The following BCAS3 variants were observed in gnomAD, a reference collection of about 807,000 sequenced individuals.
BCAS3 encodes the protein BCAS3 microtubule associated cell migration factor.
In BCAS3, 53 loss-of-function variants were observed where a neutral mutation model predicts 116.1. The observed-to-expected ratio is 0.46, with a 90% CI of 0.37 to 0.57. The LOEUF is 0.57. Ranked by LOEUF, BCAS3 falls within the 20% of genes least tolerant of loss-of-function variation. The pLI, the probability that BCAS3 is intolerant of heterozygous loss-of-function variation, is 0.00. For missense variants in BCAS3, 917 were observed against 1,165.4 expected, an observed-to-expected ratio of 0.79 and a Z score of 3.10; for synonymous variants, 391 against 408.2, an observed-to-expected ratio of 0.96 and a Z score of 0.51.
chr17:60,955,915 C>A (rs985519699), intron 14 of BCAS3, among the ~76,000 whole-genome samples: 38 of 152,256 alleles, frequency 2.5e-4, no homozygotes, highest in African/African-American at 8.7e-4. Flanking sequence ...CAGGTTGTTA[C>A]TGATTTTGAT....
Position 60,824,193 on chromosome 17 carries a change from C to T in BCAS3, c.476+16117C>T, listed in dbSNP as rs145375879. Reference sequence around the variant, plus strand: ...CATTTAATGCCTTTTCTTTTAGTGGCAGAGTTTTCAGGAAGAAATTACAGT... The same window carrying T: ...CATTTAATGCCTTTTCTTTTAGTGGTAGAGTTTTCAGGAAGAAATTACAGT... On this transcript the variant is annotated intron_variant, in intron 7 of 23. Transcript: ENST00000407086. 2.8e-4 allele frequency among the ~76,000 whole-genome samples: 42 copies of T among 152,166 alleles called. No homozygotes were observed. In the East Asian group the frequency reaches 5.8e-3, roughly 21 times the overall value.
intron 22 of BCAS3, among the ~76,000 whole-genome samples, chr17:61,345,033 T>C (rs1356689917): frequency 6.6e-6 from 1 of 152,180 alleles, no homozygotes. Flanking sequence ...ACCATCCGCC[T>C]GGGGCAGAGC....
intron 22 of BCAS3, among the ~76,000 whole-genome samples, chr17:61,336,184 G>A (rs945461036): frequency 2.0e-5 from 3 of 152,252 alleles, no homozygotes; most frequent in Non-Finnish European, 2.9e-5. Flanking sequence ...GTCCAGGACC[G>A]GATTGATGAT....
At position 61,213,885 on chromosome 17, in the gene BCAS3, T is replaced by G. The variant is rs2144348157; in HGVS notation, c.2425+129321T>G. Among the ~76,000 whole-genome samples, 1 of 152,298 alleles carries G rather than the reference T, an allele frequency of 6.6e-6. No individual in the cohort carries two copies. Among genetic ancestry groups the G allele is most frequent in the African/African-American group, 2.4e-5 (1 of 41,562 alleles). ...GAACTTTGCCTTCTGCCCTTTTGTATTTGTCCCAGGGTAGCAGAGAAGAGA... is the reference window on the plus strand; with the variant it reads ...GAACTTTGCCTTCTGCCCTTTTGTAGTTGTCCCAGGGTAGCAGAGAAGAGA... On this transcript the variant is annotated intron_variant, in intron 22 of 23. Transcript: ENST00000407086. The surrounding 1 kb of genome is among the most constrained non-coding windows in gnomAD (Gnocchi z 5.4).
rs60854011 is a variant in BCAS3 at position 60,770,834 on chromosome 17, G to GTTTTT, written c.403+23582_403+23586dup. Among the ~76,000 whole-genome samples the GTTTTT allele has an allele frequency of 1.0e-3, 79 of 76,780 alleles. 9 individuals are homozygous for GTTTTT. The highest frequency in any genetic ancestry group is 5.1e-3 in the East Asian group (7 of 1,376). 50.4% of individuals were successfully genotyped at this position (76,780 alleles called of 152,430 possible). ...GATCTTGAACCTAAAACTGAAATTT[G>GTTTTT]TTTTTTTTTTTTTTTTTTTTTTTTT... On this transcript the variant is annotated intron_variant, in intron 6 of 23. Transcript: ENST00000407086.
chr17:60,937,952 G>A (rs1380562253), intron 13 of BCAS3, among the ~76,000 whole-genome samples: 1 of 152,108 alleles, frequency 6.6e-6, no homozygotes, highest in Non-Finnish European at 1.5e-5. Context: ...TTTGTGTTGG[G>A]ACATAATATA....
At chr17:60,822,763 A>G (rs2050073731) in intron 7 of BCAS3, among the ~76,000 whole-genome samples, 2 of 152,198 alleles carry the variant, frequency 1.3e-5, no homozygotes, top group Admixed American at 1.3e-4. Flanking sequence ...GTCCCCTCTC[A>G]CTTGAATCTG....
chr17:61,067,307 A>ATATT (rs1568271755), intron 19 of BCAS3, among the ~76,000 whole-genome samples: 1 of 134,662 alleles, frequency 7.4e-6, no homozygotes, highest in Non-Finnish European at 1.6e-5. Context: ...ATATATATAT[A>ATATT]TATATATATT....
In BCAS3 at chr17:61,021,560, A is replaced by G. The variant is rs1463194216; in HGVS notation, c.1637+5659A>G. On this transcript the variant is annotated intron_variant, in intron 16 of 23. Coordinates refer to ENST00000407086, the MANE Select transcript of BCAS3 (RefSeq NM_017679.5). The surrounding 1 kb of genome is among the most constrained non-coding windows in gnomAD (Gnocchi z 4.6). ...TCACCTGAAAAAAAAAAGTTTATAT[A>G]TATGGATTATAATCTTTTAATCCTT... Among the ~76,000 whole-genome samples the G allele has an allele frequency of 6.6e-6, 1 of 152,122 alleles. No individual in the cohort carries two copies. The highest frequency in any genetic ancestry group is 1.5e-5 in the Non-Finnish European group (1 of 68,036).
rs73330782 is a variant in BCAS3, at chr17:61,364,146, G to A, written c.2426-4181G>A. On this transcript the variant is annotated intron_variant, in intron 22 of 23. Coordinates refer to ENST00000407086, the MANE Select transcript of BCAS3 (RefSeq NM_017679.5). The surrounding 1 kb of genome is among the most constrained non-coding windows in gnomAD (Gnocchi z 5.4). Reference sequence around the variant, plus strand: ...TATCCTCTCTATGACGTCTCAGGACGGTAGAAATGATCAGGTGCTTCTTTG... The same window carrying A: ...TATCCTCTCTATGACGTCTCAGGACAGTAGAAATGATCAGGTGCTTCTTTG... 0.015 allele frequency among the ~76,000 whole-genome samples: 2,236 copies of A among 152,288 alleles called. 56 individuals carry two copies. Among genetic ancestry groups the A allele is most frequent in the African/African-American group, 0.051 (2,103 of 41,546 alleles).
At position 61,044,459 on chromosome 17, in the gene BCAS3, A is replaced by T. The variant is rs1156305168; in HGVS notation, c.2029+3567A>T. ...GTGACTCTGTCTCAAAAAAAAAAAA[A>T]AAAAAAATATATATATATATGCCAT... On this transcript the variant is annotated intron_variant, in intron 19 of 23. Transcript: ENST00000407086. Among the ~76,000 whole-genome samples, 273 of 128,820 alleles carry T rather than the reference A, an allele frequency of 2.1e-3. 10 individuals are homozygous for T. Among genetic ancestry groups the T allele is most frequent in the African/African-American group, 0.011 (247 of 22,284 alleles). 84.5% of individuals were successfully genotyped at this position (128,820 alleles called of 152,430 possible).
rs1377172286 is a variant in BCAS3 at position 61,082,595 on chromosome 17, G to A, written c.2328-1872G>A. Among the ~76,000 whole-genome samples the A allele has an allele frequency of 1.3e-5, 2 of 152,098 alleles. No individual in the cohort carries two copies. The highest frequency in any genetic ancestry group is 4.8e-5 in the African/African-American group (2 of 41,414). On this transcript the variant is annotated intron_variant, in intron 21 of 23. Coordinates refer to ENST00000407086, the MANE Select transcript of BCAS3 (RefSeq NM_017679.5). This position sits in a 1 kb window ranked among gnomAD's most constrained non-coding sequence, Gnocchi z 5.1. Reference sequence around the variant, plus strand: ...ATAGGAAGTTGTTTAGACTAGAAGGGGGCATAATTTTGAATGGACTGACCA... The same window carrying A: ...ATAGGAAGTTGTTTAGACTAGAAGGAGGCATAATTTTGAATGGACTGACCA...
chr17:61,383,318 A>G (rs1427647180), intron 23 of BCAS3: 1 of 152,298 alleles, frequency 6.6e-6, no homozygotes, highest in Non-Finnish European at 1.5e-5. Flanking sequence ...GGAGCTACAA[A>G]GCAAGCCGGG....
chr17:61,125,913 A>G (rs1187925405), intron 22 of BCAS3, among the ~76,000 whole-genome samples: 2 of 152,164 alleles, frequency 1.3e-5, no homozygotes, highest in Non-Finnish European at 1.5e-5. Context: ...TAGTTGACTT[A>G]TAAAAGCTGT....
chr17:60,684,199 C>T (rs117932328), intron 3 of BCAS3, among the ~76,000 whole-genome samples, 163 bp downstream of exon 3: 11 of 152,224 alleles, frequency 7.2e-5, no homozygotes, highest in Non-Finnish European at 1.5e-4. Context: ...TTAGATGTGC[C>T]GCAGTGTTGT....
chr17:61,299,112 C>G lies in BCAS3; in HGVS notation c.2426-69215C>G, dbSNP rs150965658. Reference sequence around the variant, plus strand: ...TGCTGGGATTACAGGCATGAGCCACCGTGCCTGGCCTATAATTTAAATGTA... The same window carrying G: ...TGCTGGGATTACAGGCATGAGCCACGGTGCCTGGCCTATAATTTAAATGTA... On this transcript the variant is annotated intron_variant, in intron 22 of 23. Transcript: ENST00000407086. Among the ~76,000 whole-genome samples the G allele has an allele frequency of 0.014, 2,187 of 151,716 alleles. 99 individuals are homozygous for G. The East Asian group carries it at 0.17, about 12-fold the overall frequency.
chr17:61,128,539 T>C lies in BCAS3; in HGVS notation c.2425+43975T>C. The C allele has an allele frequency of 1.0e-6, 1 of 985,362 alleles. No individual in the cohort carries two copies. Among genetic ancestry groups the C allele is most frequent in the South Asian group, 4.7e-5 (1 of 21,276 alleles). 61.0% of individuals were successfully genotyped at this position (985,362 alleles called of 1,614,324 possible). A position where few individuals can be genotyped will look rare whatever the true frequency, so the allele number is the denominator to read the frequency against. On this transcript the variant is annotated intron_variant, in intron 22 of 23. Coordinates refer to ENST00000407086, the MANE Select transcript of BCAS3 (RefSeq NM_017679.5). This position sits in a 1 kb window ranked among gnomAD's most constrained non-coding sequence, Gnocchi z 4.1. ...TTCCGTTCTTCTCTATCCCAAATCG[T>C]TTGAATCGTTTGACTGCTATACACA...
At chr17:60,825,717 G>A (rs1378659713) in intron 7 of BCAS3, among the ~76,000 whole-genome samples, 1 of 151,360 alleles carries the variant, frequency 6.6e-6, no homozygotes, top group Non-Finnish European at 1.5e-5. Context: ...ATGGTGGAAG[G>A]GCAAAAAAGG....
chr17:60,912,518 C>A (rs1003307912), intron 12 of BCAS3, among the ~76,000 whole-genome samples: 4 of 152,024 alleles, frequency 2.6e-5, no homozygotes, highest in Non-Finnish European at 5.9e-5. Flanking sequence ...TTAAATTTGG[C>A]TCTTGTATTT....
Sources: allele counts gnomAD v4.1 joint callset (sites outside exome capture counted in the v4.1 genomes callset), GRCh38; gene constraint gnomAD v4.1.1; non-coding constraint Gnocchi (gnomAD v3.1); transcripts MANE v1.5; gene names NCBI Gene and HGNC (gene_info 2026-07-23, HGNC 2026-07-21).